Variants in SOX6 observed in about 807,000 individuals in gnomAD.
SOX6 encodes transcription factor SOX-6.
Under a neutral mutation model 97.8 loss-of-function variants are expected in SOX6, and 11 were observed. That is an observed-to-expected ratio of 0.11 (90% confidence interval 0.07 to 0.19). SOX6 has a LOEUF of 0.19. Among genes scored for constraint, SOX6 ranks in the 10% least tolerant of loss-of-function variants. The pLI is 1.00. For missense variants in SOX6, 810 were observed against 1,039.5 expected (o/e 0.78, Z 3.04); for synonymous variants, 360 against 371.4 (o/e 0.97, Z 0.35).
chr11:16,437,859 C>A (rs1859413963), intron 1 of SOX6, among the ~76,000 whole-genome samples: 1 of 152,178 alleles, frequency 6.6e-6, no homozygotes, highest in African/African-American at 2.4e-5. Context: ...TGAGACAATT[C>A]ATTTAAAGTG....
At chr11:16,675,874 CT>C (rs1319272446) in intron 3 of SOX6, among the ~76,000 whole-genome samples, 1 of 152,100 alleles carries the variant, frequency 6.6e-6, no homozygotes, top group African/African-American at 2.4e-5. Context: ...ATTATTTTTG[CT>C]TTTAATAGTT....
At chr11:16,186,655 C>T (rs74344369) in intron 5 of SOX6, 128 bp downstream of exon 5, 9,094 of 316,898 alleles carry the variant, frequency 0.029, 31 homozygotes, top group East Asian at 0.15. Flanking sequence ...TTTTTTTTTT[C>T]CATCTTTTCT....
At chr11:16,728,317 C>G (rs1470690866) in intron 2 of SOX6, among the ~76,000 whole-genome samples, 1 of 152,178 alleles carries the variant, frequency 6.6e-6, no homozygotes, top group East Asian at 1.9e-4. Context: ...ACAGACACCC[C>G]ACACAGGAGA....
chr11:16,140,758 G>GT, intron 6 of SOX6, among the ~76,000 whole-genome samples: 1 of 152,178 alleles, frequency 6.6e-6, no homozygotes, highest in South Asian at 2.1e-4. Context: ...TTGACACCCA[G>GT]GAACCTAGCT....
chr11:16,469,184 G>A (rs542776951), intron 1 of SOX6, among the ~76,000 whole-genome samples: 1 of 152,100 alleles, frequency 6.6e-6, no homozygotes, highest in East Asian at 1.9e-4. Flanking sequence ...CCAGTAAAAT[G>A]GTTTAATGAA....
At chr11:16,336,708 C>T (rs1192694461) in intron 2 of SOX6, among the ~76,000 whole-genome samples, 1 of 152,144 alleles carries the variant, frequency 6.6e-6, no homozygotes, top group Non-Finnish European at 1.5e-5. Context: ...TAAACACTTC[C>T]CTGTAGCCTA....
At chr11:16,083,820 G>T (rs1848523699) in intron 9 of SOX6, among the ~76,000 whole-genome samples, 1 of 151,996 alleles carries the variant, frequency 6.6e-6, no homozygotes, top group South Asian at 2.1e-4. Flanking sequence ...TCCCTATGGG[G>T]GTATTTTTCC....
At position 16,176,463 on chromosome 11, in the gene SOX6, T is replaced by C. The variant is rs1177105089; in HGVS notation, c.777+7423A>G. Among the ~76,000 whole-genome samples, 3 of 151,818 alleles carry C rather than the reference T, an allele frequency of 2.0e-5. No individual in the cohort carries two copies. The East Asian group carries it at 5.8e-4, about 30-fold the overall frequency. ...TATTAATATTAAAGGTGTCTGACCC[T>C]CAGTATAGTGACACATCACGTTAAA... On this transcript the variant is annotated intron_variant, in intron 6 of 15. Transcript: ENST00000683767.
intron 1 of SOX6, among the ~76,000 whole-genome samples, chr11:16,445,055 T>A (rs1196439997): frequency 1.3e-5 from 2 of 152,192 alleles, no homozygotes; most frequent in African/African-American, 4.8e-5. Flanking sequence ...TAATAACTAG[T>A]GAACCTAAGG....
At chr11:16,501,137 G>A (rs1860700407) in intron 4 of SOX6, among the ~76,000 whole-genome samples, 1 of 152,088 alleles carries the variant, frequency 6.6e-6, no homozygotes, top group African/African-American at 2.4e-5. Flanking sequence ...ACAGAACAGA[G>A]CTCTCAGAAA....
At chr11:16,443,213 T>C (rs1326567081) in intron 1 of SOX6, among the ~76,000 whole-genome samples, 3 of 152,318 alleles carry the variant, frequency 2.0e-5, no homozygotes. Context: ...CATTTCTACA[T>C]ATATTTTTTC....
At chr11:16,221,189 A>G (rs550061203) in intron 4 of SOX6, among the ~76,000 whole-genome samples, 75 of 152,212 alleles carry the variant, frequency 4.9e-4, no homozygotes, top group African/African-American at 1.8e-3. Context: ...CAGTGATGAC[A>G]TTTGCATTGA....
At chr11:16,473,939 C>T (rs563667400) in intron 1 of SOX6, among the ~76,000 whole-genome samples, 3 of 152,356 alleles carry the variant, frequency 2.0e-5, no homozygotes, top group Admixed American at 1.3e-4. Context: ...TCCTCTCAAA[C>T]TCTGCTGCTG....
intron 4 of SOX6, among the ~76,000 whole-genome samples, chr11:16,209,525 G>A (rs762455352): frequency 2.0e-5 from 3 of 152,300 alleles, no homozygotes; most frequent in Non-Finnish European, 4.4e-5. Context: ...GGAGGCCGAA[G>A]TGGGAGGATC....
rs1473646908 is a variant in SOX6, at chr11:15,972,669, G to A, written c.*140C>T. ...TGAAAAATCAGGGAAAACTTAATCTGTCTCACACTTTACGAAACAATTAAG... is the reference window on the plus strand; with the variant it reads ...TGAAAAATCAGGGAAAACTTAATCTATCTCACACTTTACGAAACAATTAAG... On this transcript the variant is annotated 3_prime_UTR_variant, in exon 16 of 16. Transcript: ENST00000683767. 4 of 895,710 alleles carry A rather than the reference G, an allele frequency of 4.5e-6. No individual in the cohort carries two copies. Among genetic ancestry groups the A allele is most frequent in the Non-Finnish European group, 5.3e-6 (3 of 564,952 alleles). The allele number at this position is 895,710 out of a possible 1,614,324, so 55.5% of individuals were successfully genotyped here.
intron 6 of SOX6, among the ~76,000 whole-genome samples, chr11:16,162,308 G>A (rs1850769553): frequency 6.6e-6 from 1 of 152,162 alleles, no homozygotes; most frequent in African/African-American, 2.4e-5. Flanking sequence ...AACTCTGTCA[G>A]TAACTAGATG....
intron 6 of SOX6, among the ~76,000 whole-genome samples, chr11:16,179,432 G>A (rs1297715983): frequency 6.6e-6 from 1 of 151,812 alleles, no homozygotes; most frequent in African/African-American, 2.4e-5. Context: ...TAAGAACAGA[G>A]TACAACTTCA....
chr11:16,346,237 T>C (rs1366164856), intron 1 of SOX6, among the ~76,000 whole-genome samples: 2 of 152,052 alleles, frequency 1.3e-5, no homozygotes, highest in Non-Finnish European at 1.5e-5. Context: ...TCCAAAAATA[T>C]ATCACAGTGC....
intron 4 of SOX6, among the ~76,000 whole-genome samples, chr11:16,564,198 T>C (rs921543871): frequency 6.6e-6 from 1 of 152,188 alleles, no homozygotes; most frequent in Non-Finnish European, 1.5e-5. Flanking sequence ...TATAATAGTG[T>C]GAATAAATAC....
Sources: allele counts gnomAD v4.1 joint callset (sites outside exome capture counted in the v4.1 genomes callset), GRCh38; gene constraint gnomAD v4.1.1; transcripts MANE v1.5; gene names NCBI Gene and HGNC (gene_info 2026-07-23, HGNC 2026-07-21).